Variants in PTPRD observed in about 807,000 individuals in gnomAD.
The protein encoded by PTPRD is receptor-type tyrosine-protein phosphatase delta.
PTPRD carries 34 observed loss-of-function variants against 214.5 expected under a neutral mutation model. The observed-to-expected ratio is 0.16, with a 90% CI of 0.12 to 0.21. The LOEUF is 0.21. PTPRD is among the 10% of genes least tolerant of loss of function. The pLI, the probability that PTPRD is intolerant of heterozygous loss-of-function variation, is 1.00. For synonymous variants in PTPRD, 1,128 were observed against 845.7 expected, an observed-to-expected ratio of 1.33 and a Z score of -5.79; for missense variants, 2,545 against 2,398.7, an observed-to-expected ratio of 1.06 and a Z score of -1.27.
At chr9:10,157,908 T>C (rs1317073380) in intron 3 of PTPRD, among the ~76,000 whole-genome samples, 2 of 152,196 alleles carry the variant, frequency 1.3e-5, no homozygotes, top group African/African-American at 4.8e-5. Flanking sequence ...TCTGAGATTC[T>C]TCCTTTGGCT....
chr9:9,895,693 A>T (rs1353174922), intron 5 of PTPRD, among the ~76,000 whole-genome samples: 4 of 152,062 alleles, frequency 2.6e-5, no homozygotes, highest in Non-Finnish European at 1.5e-5. Flanking sequence ...ACTATAGTCA[A>T]CAATATATTC....
At chr9:8,349,968 G>A (rs1221688503) in intron 39 of PTPRD, among the ~76,000 whole-genome samples, 2 of 149,194 alleles carry the variant, frequency 1.3e-5, no homozygotes, top group African/African-American at 5.0e-5. Flanking sequence ...GTAAGTGATA[G>A]ACGTTCCAGT....
chr9:9,615,054 G>C (rs763262769), intron 7 of PTPRD, among the ~76,000 whole-genome samples: 4 of 152,128 alleles, frequency 2.6e-5, no homozygotes, highest in Non-Finnish European at 5.9e-5. Flanking sequence ...GGTCAGCAAC[G>C]TGGGTGTAAG....
chr9:10,148,155 A>G (rs1342849447), intron 3 of PTPRD, among the ~76,000 whole-genome samples: 1 of 152,208 alleles, frequency 6.6e-6, no homozygotes, highest in Non-Finnish European at 1.5e-5. Flanking sequence ...GTGACAAACA[A>G]GCCAAAGAAA....
intron 11 of PTPRD, among the ~76,000 whole-genome samples, chr9:8,832,537 C>T (rs1333639687): frequency 6.6e-6 from 1 of 150,598 alleles, no homozygotes; most frequent in Non-Finnish European, 1.5e-5. Flanking sequence ...CACAACATTT[C>T]AGACATGCCC....
intron 14 of PTPRD, among the ~76,000 whole-genome samples, chr9:8,622,494 C>T (rs2154302294): frequency 6.6e-6 from 1 of 152,050 alleles, no homozygotes; most frequent in Non-Finnish European, 1.5e-5. Context: ...TAAAAATAGA[C>T]TTTATTATCT....
Position 8,443,943 on chromosome 9 carries a change from T to C in PTPRD, c.3988+5782A>G, listed in dbSNP as rs191804210. On this transcript the variant is annotated intron_variant, in intron 34 of 45. Coordinates refer to ENST00000381196, the MANE Select transcript of PTPRD (RefSeq NM_002839.4). ...ATATCACCATCTTTTAATAATATTATGTTTATTTTCATCATTTTGCCCAAT... is the reference window on the plus strand; with the variant it reads ...ATATCACCATCTTTTAATAATATTACGTTTATTTTCATCATTTTGCCCAAT... Among the ~76,000 whole-genome samples the C allele has an allele frequency of 3.5e-3, 538 of 152,324 alleles. 1 individual carries two copies. Among genetic ancestry groups the C allele is most frequent in the African/African-American group, 0.013 (524 of 41,572 alleles).
intron 11 of PTPRD, among the ~76,000 whole-genome samples, chr9:8,765,497 T>A (rs928836675): frequency 6.6e-6 from 1 of 152,172 alleles, no homozygotes; most frequent in African/African-American, 2.4e-5. Flanking sequence ...ACCATGTGAA[T>A]AAGGTTAGAA....
intron 9 of PTPRD, among the ~76,000 whole-genome samples, chr9:9,387,918 G>A (rs965900462): frequency 1.3e-5 from 2 of 152,132 alleles, no homozygotes; most frequent in Non-Finnish European, 1.5e-5. Context: ...GTGTTACAGG[G>A]TGCTCTTTTA....
chr9:10,063,748 C>T (rs1479041819), intron 3 of PTPRD, among the ~76,000 whole-genome samples: 1 of 151,946 alleles, frequency 6.6e-6, no homozygotes, highest in African/African-American at 2.4e-5. Context: ...AAGTACTCCA[C>T]ATTTCTTGCA....
At chr9:8,546,853 G>A (rs186368491) in intron 14 of PTPRD, among the ~76,000 whole-genome samples, 1 of 152,172 alleles carries the variant, frequency 6.6e-6, no homozygotes, top group Admixed American at 6.5e-5. Context: ...TGGACATGAT[G>A]CATCTGTGTC....
At chr9:10,030,707 T>C (rs761807740) in intron 4 of PTPRD, among the ~76,000 whole-genome samples, 1 of 151,998 alleles carries the variant, frequency 6.6e-6, no homozygotes, top group East Asian at 1.9e-4. Flanking sequence ...AAAATTCCAG[T>C]TGAGAAAATC....
intron 2 of PTPRD, among the ~76,000 whole-genome samples, chr9:10,464,952 A>C (rs2131440685): frequency 6.6e-6 from 1 of 152,336 alleles, no homozygotes; most frequent in South Asian, 2.1e-4. Context: ...TGATGGTCAA[A>C]GACCCCTTCA....
At chr9:9,992,925 T>C (rs1305576329) in intron 4 of PTPRD, among the ~76,000 whole-genome samples, 1 of 152,018 alleles carries the variant, frequency 6.6e-6, no homozygotes, top group Non-Finnish European at 1.5e-5. Context: ...GTTGTGCACA[T>C]GTACCCTAGA....
At chr9:8,999,459 A>G (rs561354442) in intron 11 of PTPRD, among the ~76,000 whole-genome samples, 1 of 152,198 alleles carries the variant, frequency 6.6e-6, no homozygotes, top group East Asian at 1.9e-4. Context: ...TTTTTAATTA[A>G]GATATGTACA....
At chr9:9,480,535 A>G (rs1222776207) in intron 8 of PTPRD, among the ~76,000 whole-genome samples, 4 of 152,182 alleles carry the variant, frequency 2.6e-5, no homozygotes, top group Non-Finnish European at 4.4e-5. Flanking sequence ...TTAAAAAGCA[A>G]TATTTAAAAA....
chr9:9,301,689 G>A (rs1338156767), intron 9 of PTPRD, among the ~76,000 whole-genome samples: 2 of 151,748 alleles, frequency 1.3e-5, no homozygotes, highest in Non-Finnish European at 2.9e-5. Flanking sequence ...TGAGAAATAG[G>A]GATTACTATG....
At chr9:8,731,463 G>T (rs547104388) in intron 12 of PTPRD, among the ~76,000 whole-genome samples, 5 of 152,114 alleles carry the variant, frequency 3.3e-5, no homozygotes, top group Non-Finnish European at 7.4e-5. Context: ...CAGTGACCCA[G>T]GCAATAAAAG....
chr9:8,653,524 T>C (rs1285752674), intron 12 of PTPRD, among the ~76,000 whole-genome samples: 2 of 152,194 alleles, frequency 1.3e-5, no homozygotes, highest in African/African-American at 4.8e-5. Flanking sequence ...ACACAGTTCC[T>C]TTCCCTTAAG....
Sources: allele counts gnomAD v4.1 joint callset (sites outside exome capture counted in the v4.1 genomes callset), GRCh38; gene constraint gnomAD v4.1.1; transcripts MANE v1.5; gene names NCBI Gene and HGNC (gene_info 2026-07-23, HGNC 2026-07-21).